Variants in ARHGAP26 observed in about 807,000 individuals in gnomAD.
The protein encoded by ARHGAP26 is rho GTPase-activating protein 26.
Under a neutral mutation model 104.8 loss-of-function variants are expected in ARHGAP26, and 38 were observed. That is an observed-to-expected ratio of 0.36 (90% CI 0.28 to 0.48). The LOEUF (loss-of-function observed/expected upper bound fraction) is 0.48. ARHGAP26 is among the 20% of genes least tolerant of loss of function. The pLI is 0.99. For synonymous variants in ARHGAP26, 341 were observed against 340.0 expected (o/e 1.00, Z -0.03); for missense variants, 704 against 947.9 (o/e 0.74, Z 3.38).
chr5:143,021,293 A>G (rs1173474059), intron 12 of ARHGAP26, among the ~76,000 whole-genome samples: 1 of 152,216 alleles, frequency 6.6e-6, no homozygotes, highest in African/African-American at 2.4e-5. Context: ...ATGTCATGAA[A>G]TGTTTAGAAG....
chr5:142,839,123 T>A lies in ARHGAP26; in HGVS notation c.155-34277T>A, dbSNP rs529321085. On this transcript the variant is annotated intron_variant, in intron 1 of 22. Transcript: ENST00000645722. The stretch of plus-strand genomic sequence containing the variant: ...TAACAAACATTTCAGACGATTCTTA[T>A]GTATTTTATAAGTTTACATTTATTT... Among the ~76,000 whole-genome samples the A allele has an allele frequency of 1.5e-4, 23 of 152,394 alleles. No individual in the cohort carries two copies. The South Asian group carries it at 4.8e-3, about 32-fold the overall frequency.
intron 16 of ARHGAP26, among the ~76,000 whole-genome samples, chr5:143,057,130 ATTTC>A (rs1785939957): frequency 6.6e-6 from 1 of 152,166 alleles, no homozygotes. Context: ...TTTATCTGCC[ATTTC>A]TTTCTTTCTA....
At chr5:142,873,841 A>C (rs1216543184) in intron 2 of ARHGAP26, among the ~76,000 whole-genome samples, 1 of 152,210 alleles carries the variant, frequency 6.6e-6, no homozygotes, top group African/African-American at 2.4e-5. Flanking sequence ...CAGGTAGATG[A>C]GGGGAAATTT....
chr5:142,838,598 A>G (rs1362376242), intron 1 of ARHGAP26, among the ~76,000 whole-genome samples: 3 of 152,208 alleles, frequency 2.0e-5, no homozygotes, highest in Admixed American at 6.5e-5. Context: ...ACATTTCAAG[A>G]TGGTTGTGAC....
intron 1 of ARHGAP26, among the ~76,000 whole-genome samples, chr5:142,805,460 C>G (rs1351873240): frequency 2.0e-5 from 3 of 152,064 alleles, no homozygotes; most frequent in Non-Finnish European, 2.9e-5. Flanking sequence ...TACTTTTTGG[C>G]TATTATGTAT....
intron 14 of ARHGAP26, among the ~76,000 whole-genome samples, chr5:143,052,161 G>T (rs1422698123): frequency 6.6e-6 from 1 of 152,176 alleles, no homozygotes; most frequent in Non-Finnish European, 1.5e-5. Context: ...TTACTGTTCT[G>T]TAGCCCCAGA....
At chr5:142,819,717 T>A (rs546151810) in intron 1 of ARHGAP26, among the ~76,000 whole-genome samples, 3 of 152,348 alleles carry the variant, frequency 2.0e-5, no homozygotes, top group African/African-American at 7.2e-5. Context: ...GGAAAACTTA[T>A]AACTAAGGAT....
intron 1 of ARHGAP26, among the ~76,000 whole-genome samples, chr5:142,863,591 G>C (rs951184216): frequency 3.3e-5 from 5 of 152,078 alleles, no homozygotes; most frequent in African/African-American, 1.2e-4. Flanking sequence ...ATATATTGAG[G>C]TCCTGTATGT....
chr5:143,040,376 T>C (rs1783275616), intron 13 of ARHGAP26, among the ~76,000 whole-genome samples: 1 of 152,186 alleles, frequency 6.6e-6, no homozygotes, highest in Non-Finnish European at 1.5e-5. Context: ...TACTGCAGAA[T>C]TGGTCCTTTC....
intron 11 of ARHGAP26, among the ~76,000 whole-genome samples, chr5:142,937,648 G>A (rs1463605732): frequency 2.6e-5 from 4 of 152,164 alleles, no homozygotes; most frequent in Non-Finnish European, 4.4e-5. Flanking sequence ...TACTACAGAT[G>A]TCCTTTAATG....
chr5:142,815,937 G>A (rs1765036833), intron 1 of ARHGAP26, among the ~76,000 whole-genome samples: 1 of 151,576 alleles, frequency 6.6e-6, no homozygotes, highest in Non-Finnish European at 1.5e-5. Context: ...TGGGACCACA[G>A]ACATGCACCA....
intron 20 of ARHGAP26, among the ~76,000 whole-genome samples, chr5:143,181,302 G>A (rs1350423881): frequency 2.0e-5 from 3 of 152,184 alleles, no homozygotes; most frequent in East Asian, 1.9e-4. Flanking sequence ...CCATTGCAGC[G>A]TCTGTTTACA....
intron 6 of ARHGAP26, 128 bp from the exon 7 acceptor site, chr5:142,901,807 C>T (rs1198368774): frequency 4.1e-6 from 3 of 730,978 alleles, no homozygotes; most frequent in East Asian, 2.8e-5. Flanking sequence ...AATTGGTGCT[C>T]TTTAAATGTC....
chr5:143,135,021 A>G (rs1797757491), intron 19 of ARHGAP26, among the ~76,000 whole-genome samples: 2 of 152,254 alleles, frequency 1.3e-5, no homozygotes, highest in Non-Finnish European at 2.9e-5. Context: ...GAATATAAGC[A>G]TGGGACCTTG....
intron 1 of ARHGAP26, among the ~76,000 whole-genome samples, chr5:142,851,894 G>T (rs1433347385): frequency 6.6e-6 from 1 of 152,250 alleles, no homozygotes; most frequent in East Asian, 1.9e-4. Flanking sequence ...ACTTGCCTGA[G>T]GTCATAGCAG....
intron 11 of ARHGAP26, among the ~76,000 whole-genome samples, chr5:142,940,873 G>A (rs1005209058): frequency 6.6e-6 from 1 of 151,798 alleles, no homozygotes; most frequent in African/African-American, 2.4e-5. Flanking sequence ...TCAGGAGATC[G>A]AGACCATCCT....
At chr5:143,026,798 G>T (rs887164935) in intron 12 of ARHGAP26, among the ~76,000 whole-genome samples, 3 of 143,160 alleles carry the variant, frequency 2.1e-5, no homozygotes, top group East Asian at 2.4e-4. Context: ...CCGTAGTGGG[G>T]TGGGTGGGGG....
intron 14 of ARHGAP26, among the ~76,000 whole-genome samples, chr5:143,044,969 A>C (rs917829756): frequency 2.6e-5 from 4 of 152,216 alleles, no homozygotes; most frequent in Non-Finnish European, 5.9e-5. Context: ...GGGCAGAGAG[A>C]TTTCAAAGAT....
chr5:142,956,298 A>C (rs1022631567), intron 11 of ARHGAP26, among the ~76,000 whole-genome samples: 2 of 152,130 alleles, frequency 1.3e-5, no homozygotes, highest in African/African-American at 2.4e-5. Flanking sequence ...GAAGCATGCC[A>C]GGCACAGTGG....
Sources: allele counts gnomAD v4.1 joint callset (sites outside exome capture counted in the v4.1 genomes callset), GRCh38; gene constraint gnomAD v4.1.1; transcripts MANE v1.5; gene names NCBI Gene and HGNC (gene_info 2026-07-23, HGNC 2026-07-21).